The following DYNC1I1 variants were observed in gnomAD, a reference collection of about 807,000 sequenced individuals.
DYNC1I1 encodes cytoplasmic dynein 1 intermediate chain 1.
In DYNC1I1, 43 loss-of-function variants were observed where a neutral mutation model predicts 86.6. That is an observed-to-expected ratio of 0.50 (90% CI 0.39 to 0.64). The LOEUF (loss-of-function observed/expected upper bound fraction) is 0.64, where lower values mean the gene tolerates loss of function less well. Ranked by LOEUF, DYNC1I1 falls within the 30% of genes least tolerant of loss-of-function variation. The pLI is 0.00. For synonymous variants in DYNC1I1, 262 were observed against 283.7 expected (o/e 0.92, Z 0.77); for missense variants, 604 against 788.8 (o/e 0.77, Z 2.81).
chr7:95,907,871 A>T (rs1325822423), intron 6 of DYNC1I1, among the ~76,000 whole-genome samples: 1 of 152,028 alleles, frequency 6.6e-6, no homozygotes, highest in African/African-American at 2.4e-5. Context: ...GTAGAAAAGC[A>T]TTGTCAAATT....
At chr7:95,967,036 G>A (rs998408856) in intron 6 of DYNC1I1, among the ~76,000 whole-genome samples, 2 of 151,988 alleles carry the variant, frequency 1.3e-5, no homozygotes, top group African/African-American at 4.8e-5. Context: ...AACTACTGGG[G>A]AAATTAGAAA....
At chr7:96,066,951 G>A (rs982504446) in intron 14 of DYNC1I1, among the ~76,000 whole-genome samples, 5 of 152,148 alleles carry the variant, frequency 3.3e-5, no homozygotes, top group African/African-American at 1.2e-4. Flanking sequence ...GCTGAAATAT[G>A]TGCCTTGTTA....
intron 1 of DYNC1I1, among the ~76,000 whole-genome samples, chr7:95,786,229 A>G (rs771780577): frequency 6.6e-6 from 1 of 152,070 alleles, no homozygotes; most frequent in Non-Finnish European, 1.5e-5. Flanking sequence ...TGCCACCTCA[A>G]ACCCATTTGA....
intron 16 of DYNC1I1, among the ~76,000 whole-genome samples, chr7:96,087,785 A>G (rs530443988): frequency 7.9e-5 from 12 of 152,336 alleles, no homozygotes; most frequent in South Asian, 2.1e-4. Flanking sequence ...TACAGCCCCA[A>G]TGCTGTGCTA....
chr7:95,864,582 A>G (rs1317416057), intron 5 of DYNC1I1, among the ~76,000 whole-genome samples: 1 of 152,160 alleles, frequency 6.6e-6, no homozygotes, highest in Non-Finnish European at 1.5e-5. Context: ...ACTTCAGGAC[A>G]AGACCAAGTC....
rs1794872980 is a variant in DYNC1I1, at chr7:95,813,329, A to G, written c.306A>G (p.Pro102=). Residue 102 remains proline (P), a synonymous_variant, in exon 4 of 17, where the codon CCA becomes CCG. Coordinates refer to ENST00000447467, the MANE Select transcript of DYNC1I1 (RefSeq NM_001135556.2). Reference sequence around the variant, plus strand: ...GCCAAGACTCAGGCGATCTGGGGCCATTAACAAGGTAAGAATTGTCCCTTT... The same window carrying G: ...GCCAAGACTCAGGCGATCTGGGGCCGTTAACAAGGTAAGAATTGTCCCTTT... ...AGSQDSGDLG[P]LTRTLQWDTD... 6.2e-7 allele frequency: 1 copy of G among 1,612,272 alleles called. No individual in the cohort carries two copies. Among genetic ancestry groups the G allele is most frequent in the South Asian group, 1.1e-5 (1 of 91,016 alleles).
At position 95,772,672 on chromosome 7, in the gene DYNC1I1, C is replaced by G. The variant is rs532734887; in HGVS notation, c.-111C>G. The G allele has an allele frequency of 6.6e-6, 1 of 152,544 alleles. No individual in the cohort carries two copies. Among genetic ancestry groups the G allele is most frequent in the East Asian group, 1.9e-4 (1 of 5,134 alleles). 9.4% of individuals were successfully genotyped at this position (152,544 alleles called of 1,614,324 possible). ...GTGAGACAGCACATCCTGCCCGCGCCGGCCCCGCCACCTTCGGGAGCCGCC... is the reference window on the plus strand; with the variant it reads ...GTGAGACAGCACATCCTGCCCGCGCGGGCCCCGCCACCTTCGGGAGCCGCC... On this transcript the variant is annotated 5_prime_UTR_variant, in exon 1 of 17. Transcript: ENST00000447467.
intron 14 of DYNC1I1, among the ~76,000 whole-genome samples, chr7:96,040,491 C>T (rs1789003835): frequency 6.6e-6 from 1 of 152,040 alleles, no homozygotes; most frequent in South Asian, 2.1e-4. Flanking sequence ...CAGCAGATAA[C>T]CCAGGTTTAA....
chr7:95,848,208 G>GT (rs55696943), intron 5 of DYNC1I1, among the ~76,000 whole-genome samples: 25,924 of 138,654 alleles, frequency 0.19, 2,686 homozygotes, highest in East Asian at 0.41. Context: ...ACTTACAGTT[G>GT]TTTTTTTTTT....
intron 6 of DYNC1I1, among the ~76,000 whole-genome samples, chr7:95,928,068 C>T (rs1171647198): frequency 6.6e-6 from 1 of 152,198 alleles, no homozygotes; most frequent in Non-Finnish European, 1.5e-5. Context: ...TCAGACCCTA[C>T]ATTATGGAAG....
intron 6 of DYNC1I1, among the ~76,000 whole-genome samples, chr7:95,977,149 G>A (rs1188458537): frequency 6.6e-6 from 1 of 152,148 alleles, no homozygotes; most frequent in Non-Finnish European, 1.5e-5. Flanking sequence ...GTTCCCTGTG[G>A]GAAATGTGCT....
intron 8 of DYNC1I1, among the ~76,000 whole-genome samples, 174 bp downstream of exon 8, chr7:95,985,151 G>C (rs1793554935): frequency 6.6e-6 from 1 of 152,122 alleles, no homozygotes; most frequent in Non-Finnish European, 1.5e-5. Flanking sequence ...TTCTGGCTTA[G>C]AGCGTCCTTG....
chr7:96,066,694 T>A (rs1790001551), intron 14 of DYNC1I1, among the ~76,000 whole-genome samples: 1 of 152,228 alleles, frequency 6.6e-6, no homozygotes, highest in Non-Finnish European at 1.5e-5. Context: ...GTATTCTACC[T>A]CCCTTCTTTA....
At chr7:96,033,522 T>G (rs114751668) in intron 12 of DYNC1I1, among the ~76,000 whole-genome samples, 33 of 152,252 alleles carry the variant, frequency 2.2e-4, no homozygotes, top group African/African-American at 7.7e-4. Flanking sequence ...AAAAACAGTA[T>G]TCACTATCCT....
At chr7:96,013,941 G>C (rs968734216) in intron 10 of DYNC1I1, among the ~76,000 whole-genome samples, 2 of 152,138 alleles carry the variant, frequency 1.3e-5, no homozygotes, top group Non-Finnish European at 2.9e-5. Flanking sequence ...TAGAAAATCA[G>C]TCTTGAGTAC....
intron 15 of DYNC1I1, among the ~76,000 whole-genome samples, chr7:96,079,181 G>A (rs975024694): frequency 1.6e-4 from 24 of 152,036 alleles, no homozygotes; most frequent in African/African-American, 3.6e-4. Context: ...CAATAATTTC[G>A]TATAAACAGA....
At chr7:95,798,258 C>T (rs773007702) in intron 1 of DYNC1I1, among the ~76,000 whole-genome samples, 26 of 152,064 alleles carry the variant, frequency 1.7e-4, no homozygotes, top group Non-Finnish European at 3.1e-4. Context: ...TCATAGTGTA[C>T]TGATGGCTGT....
At chr7:96,006,532 A>T (rs187412081) in intron 10 of DYNC1I1, among the ~76,000 whole-genome samples, 6 of 152,358 alleles carry the variant, frequency 3.9e-5, no homozygotes, top group Admixed American at 2.6e-4. Context: ...ACTGCTTTAC[A>T]TAAATTTCCT....
At chr7:95,947,646 A>G (rs765142059) in intron 6 of DYNC1I1, among the ~76,000 whole-genome samples, 16 of 152,238 alleles carry the variant, frequency 1.1e-4, no homozygotes, top group Non-Finnish European at 1.8e-4. Flanking sequence ...GGTGGGGCAG[A>G]TTTCTTTCCA....
Sources: gnomAD v4.1 joint callset for allele counts (sites outside exome capture counted in the v4.1 genomes callset) on GRCh38, gnomAD v4.1.1 for gene constraint, MANE v1.5 for transcripts, NCBI Gene and HGNC (gene_info 2026-07-23, HGNC 2026-07-21) for gene names.